SLC8A1: variants seen among roughly 807,000 people sequenced by gnomAD.
The protein encoded by SLC8A1 is sodium/calcium exchanger 1.
Under a neutral mutation model 68.3 loss-of-function variants are expected in SLC8A1, and 18 were observed. That is an observed-to-expected ratio of 0.26 (90% CI 0.18 to 0.39). The LOEUF is 0.39. Ranked by LOEUF, SLC8A1 falls within the 10% of genes least tolerant of loss-of-function variation. SLC8A1 has a pLI of 1.00. For missense variants in SLC8A1, 985 were observed against 1,156.7 expected, an observed-to-expected ratio of 0.85 and a Z score of 2.15; for synonymous variants, 475 against 415.5, an observed-to-expected ratio of 1.14 and a Z score of -1.74.
chr2:40,416,662 T>C (rs751054777), intron 2 of SLC8A1, among the ~76,000 whole-genome samples: 17 of 152,086 alleles, frequency 1.1e-4, no homozygotes, highest in Non-Finnish European at 1.6e-4. Flanking sequence ...CACCCAAAGC[T>C]GCTGGTCTGG....
exon 8 of SLC8A1, chr2:40,101,635 C>T (rs2033898827): frequency 6.6e-6 from 1 of 152,092 alleles, no homozygotes; most frequent in Non-Finnish European, 1.5e-5. Context: ...ACATATCTCC[C>T]ATATATCTGA....
chr2:40,176,023 T>C (rs960434912), intron 3 of SLC8A1: 16 of 445,230 alleles, frequency 3.6e-5, no homozygotes, highest in African/African-American at 2.8e-4. Context: ...TGACAGGGCA[T>C]TGGGTTGGGG....
At chr2:40,140,666 C>G (rs887760254) in intron 6 of SLC8A1, among the ~76,000 whole-genome samples, 2 of 152,246 alleles carry the variant, frequency 1.3e-5, no homozygotes, top group African/African-American at 4.8e-5. Flanking sequence ...TGTTCATGTT[C>G]TCTTCTCCAG....
exon 8 of SLC8A1, chr2:40,105,131 G>A (rs1202143618): frequency 6.6e-6 from 1 of 152,154 alleles, no homozygotes; most frequent in African/African-American, 2.4e-5. Flanking sequence ...AAAAGGCAGA[G>A]TCTAGAGCCA....
chr2:40,143,733 C>G (rs2041983295), intron 6 of SLC8A1, among the ~76,000 whole-genome samples: 1 of 152,188 alleles, frequency 6.6e-6, no homozygotes, highest in Non-Finnish European at 1.5e-5. Context: ...ATCAGCATGA[C>G]TGACGGTGAA....
intron 1 of SLC8A1, among the ~76,000 whole-genome samples, chr2:40,434,846 G>A (rs1436378592): frequency 6.6e-6 from 1 of 152,260 alleles, no homozygotes; most frequent in East Asian, 1.9e-4. Flanking sequence ...GCTGTGAGTA[G>A]TCCAGCCAGT....
intron 1 of SLC8A1, among the ~76,000 whole-genome samples, chr2:40,488,903 C>CA (rs1387022602): frequency 6.6e-6 from 1 of 152,104 alleles, no homozygotes; most frequent in Non-Finnish European, 1.5e-5. Context: ...GAGAGACTTA[C>CA]ACTGCTACAT....
At chr2:40,307,977 A>T (rs1485303732) in intron 2 of SLC8A1, among the ~76,000 whole-genome samples, 1 of 151,878 alleles carries the variant, frequency 6.6e-6, no homozygotes, top group African/African-American at 2.4e-5. Context: ...AAAGAGTCAG[A>T]AAAATAAATA....
Position 40,410,639 on chromosome 2 carries a change from CTA to C in SLC8A1, c.1808+17832_1808+17833del, listed in dbSNP as rs369669462. Among the ~76,000 whole-genome samples, 246 of 152,084 alleles carry C rather than the reference CTA, an allele frequency of 1.6e-3. 3 individuals carry two copies. In the South Asian group the frequency reaches 0.018, roughly 11 times the overall value. The stretch of plus-strand genomic sequence containing the variant: ...CATGATATTTTGAAGTATATGTACA[CTA>C]TAGTTAAATCCAGCTAATTAACGTA... On this transcript the variant is annotated intron_variant, in intron 2 of 7. Transcript: ENST00000406785.
chr2:40,286,988 G>T (rs1355086482), intron 2 of SLC8A1, among the ~76,000 whole-genome samples: 1 of 152,166 alleles, frequency 6.6e-6, no homozygotes, highest in East Asian at 1.9e-4. Context: ...TAGGCTTTAA[G>T]AATGACTTTG....
intron 2 of SLC8A1, among the ~76,000 whole-genome samples, chr2:40,306,151 T>C (rs983559203): frequency 2.6e-5 from 4 of 152,198 alleles, no homozygotes; most frequent in Non-Finnish European, 5.9e-5. Context: ...GCAGATAAGC[T>C]TGGGGAACCC....
At chr2:40,242,834 G>A (rs2061391857) in intron 2 of SLC8A1, among the ~76,000 whole-genome samples, 1 of 152,098 alleles carries the variant, frequency 6.6e-6, no homozygotes, top group Non-Finnish European at 1.5e-5. Flanking sequence ...TTTTGTCTCT[G>A]GGCAAAGTTA....
chr2:40,409,217 T>G (rs943454262), intron 2 of SLC8A1, among the ~76,000 whole-genome samples: 1 of 152,128 alleles, frequency 6.6e-6, no homozygotes, highest in Non-Finnish European at 1.5e-5. Flanking sequence ...AACCTATTAG[T>G]TGACTAAAAT....
At chr2:40,405,024 T>C (rs778480983) in intron 2 of SLC8A1, among the ~76,000 whole-genome samples, 4 of 152,200 alleles carry the variant, frequency 2.6e-5, no homozygotes, top group Admixed American at 1.3e-4. Flanking sequence ...ACTGAACCAC[T>C]GAGCAGGTCC....
chr2:40,415,463 C>A (rs1693525611), intron 2 of SLC8A1, among the ~76,000 whole-genome samples: 1 of 151,332 alleles, frequency 6.6e-6, no homozygotes, highest in African/African-American at 2.4e-5. Flanking sequence ...TGTGGTTTGA[C>A]TAGCAAACCA....
intron 2 of SLC8A1, among the ~76,000 whole-genome samples, chr2:40,267,903 C>T (rs2149122381): frequency 6.6e-6 from 1 of 152,276 alleles, no homozygotes; most frequent in Non-Finnish European, 1.5e-5. Flanking sequence ...GTAGCTCCCT[C>T]ACTGGGTATG....
At chr2:40,164,279 GAATCC>G (rs1326925156) in intron 5 of SLC8A1, among the ~76,000 whole-genome samples, 1 of 152,190 alleles carries the variant, frequency 6.6e-6, no homozygotes, top group Non-Finnish European at 1.5e-5. Flanking sequence ...AGAGAACTGA[GAATCC>G]AATTTTATCA....
intron 2 of SLC8A1, among the ~76,000 whole-genome samples, chr2:40,427,917 T>G (rs1418178683): frequency 6.6e-6 from 1 of 152,140 alleles, no homozygotes; most frequent in Non-Finnish European, 1.5e-5. Flanking sequence ...GAAGTCATAA[T>G]TTAGCATTGG....
chr2:40,384,518 G>C (rs777839520), intron 2 of SLC8A1, among the ~76,000 whole-genome samples: 2 of 151,962 alleles, frequency 1.3e-5, no homozygotes, highest in Non-Finnish European at 2.9e-5. Context: ...CATTCAAAAA[G>C]AACATAGAAG....
Sources: allele counts gnomAD v4.1 joint callset (sites outside exome capture counted in the v4.1 genomes callset), GRCh38; gene constraint gnomAD v4.1.1; transcripts MANE v1.5; gene names NCBI Gene and HGNC (gene_info 2026-07-23, HGNC 2026-07-21).